The following OTOA variants were observed in gnomAD, a reference collection of about 807,000 sequenced individuals.
OTOA encodes cancer/testis antigen 108.
A neutral mutation model predicts 110.8 loss-of-function variants in OTOA; 70 were observed. The observed-to-expected ratio is 0.63, with a 90% confidence interval of 0.52 to 0.77. OTOA has a LOEUF of 0.77. Ranked by LOEUF, OTOA falls within the 30% of genes least tolerant of loss-of-function variation. The probability of loss-of-function intolerance (pLI) is 0.00; values close to 1 mark genes in which losing one functional copy is unlikely to be tolerated. For missense variants in OTOA, 917 were observed against 1,075.8 expected, an observed-to-expected ratio of 0.85 and a Z score of 2.06; for synonymous variants, 373 against 431.5, an observed-to-expected ratio of 0.86 and a Z score of 1.68.
At chr16:21,692,654 A>G (rs1460386752) in intron 9 of OTOA, among the ~76,000 whole-genome samples, 1 of 152,010 alleles carries the variant, frequency 6.6e-6, no homozygotes. Context: ...TGGGCCGGGC[A>G]TGGTGGCTCA....
Position 21,733,847 on chromosome 16 carries a change from C to T in OTOA, c.2302-2414C>T, listed in dbSNP as rs192229206. On this transcript the variant is annotated intron_variant, in intron 21 of 28. Transcript: ENST00000646100. ...TGGAGTCTAGCTGTGTTGCCCAGGC[C>T]GGAATGCAGTGGCACGATTTCGGCT... Among the ~76,000 whole-genome samples the T allele has an allele frequency of 2.4e-3, 363 of 152,166 alleles. 4 individuals are homozygous for T. Among genetic ancestry groups the T allele is most frequent in the South Asian group, 0.017 (84 of 4,822 alleles).
chr16:21,719,529 T>A (rs1356547745), intron 17 of OTOA, 25 bp downstream of exon 17: 1 of 1,589,346 alleles, frequency 6.3e-7, no homozygotes, highest in Non-Finnish European at 8.6e-7. Context: ...TTTTCCAGCT[T>A]CTAATTCTCT....
chr16:21,693,385 G>T (rs2092997971), intron 9 of OTOA, among the ~76,000 whole-genome samples: 1 of 152,212 alleles, frequency 6.6e-6, no homozygotes, highest in Non-Finnish European at 1.5e-5. Context: ...TGTCAGTAAT[G>T]TAAACAGAAT....
intron 15 of OTOA, among the ~76,000 whole-genome samples, chr16:21,718,295 G>A (rs548745270): frequency 3.9e-4 from 59 of 152,262 alleles, no homozygotes; most frequent in Middle Eastern, 3.4e-3. Context: ...TGCCACCGAA[G>A]ACTTCAAGAT....
At chr16:21,671,165 T>A (rs1260293935) in intron 1 of OTOA, among the ~76,000 whole-genome samples, 1 of 152,150 alleles carries the variant, frequency 6.6e-6, no homozygotes, top group African/African-American at 2.4e-5. Flanking sequence ...AGAGCTGACT[T>A]TGTGTCAAGC....
chr16:21,716,785 C>T (rs1898567442), intron 14 of OTOA, 122 bp from the exon 15 acceptor site: 1 of 1,151,138 alleles, frequency 8.7e-7, no homozygotes, highest in East Asian at 2.3e-5. Flanking sequence ...TGCTACTCTC[C>T]ACTTCCTAGG....
At chr16:21,687,236 G>T (rs190036308) in intron 7 of OTOA, among the ~76,000 whole-genome samples, 177 bp from the exon 8 acceptor site, 1 of 152,282 alleles carries the variant, frequency 6.6e-6, no homozygotes, top group Admixed American at 6.5e-5. Context: ...GAGTGGAGCA[G>T]GTAAAGGCCT....
intron 9 of OTOA, 33 bp downstream of exon 9, chr16:21,691,720 T>G (rs374990400): frequency 6.5e-7 from 1 of 1,546,410 alleles, no homozygotes; most frequent in Non-Finnish European, 8.9e-7. Context: ...GGTCACTTTT[T>G]GGGGGAAGAA....
At chr16:21,685,572 T>A (rs1897698410) in intron 7 of OTOA, among the ~76,000 whole-genome samples, 1 of 152,106 alleles carries the variant, frequency 6.6e-6, no homozygotes, top group African/African-American at 2.4e-5. Context: ...AATTTTTTAT[T>A]TTATTTTTGT....
chr16:21,697,272 G>C (rs1897962694), intron 9 of OTOA, among the ~76,000 whole-genome samples: 1 of 152,148 alleles, frequency 6.6e-6, no homozygotes, highest in Admixed American at 6.5e-5. Context: ...GTGCGAATCT[G>C]TGTTCACATC....
Position 21,685,494 on chromosome 16 carries a change from C to T in OTOA, c.399+133C>T, listed in dbSNP as rs1005383170. On this transcript the variant is annotated intron_variant, in intron 7 of 28. Transcript: ENST00000646100. ...TCCTCTCTCCTTCTGCCTCCTCCAA[C>T]CCCCTGGGGGCTTTAGGACCTAAGT... 1.5e-5 allele frequency: 19 copies of T among 1,297,970 alleles called. No homozygotes were observed. In the African/African-American group the frequency reaches 1.8e-4, roughly 12 times the overall value. 80.4% of individuals were successfully genotyped at this position (1,297,970 alleles called of 1,614,324 possible).
At chr16:21,727,863 T>G (rs1898972595) in intron 19 of OTOA, among the ~76,000 whole-genome samples, 2 of 143,110 alleles carry the variant, frequency 1.4e-5, no homozygotes, top group Middle Eastern at 7.3e-3. Context: ...GATCGGAACT[T>G]TTTTTTTTTT....
intron 1 of OTOA, among the ~76,000 whole-genome samples, chr16:21,675,652 T>C (rs1255830520): frequency 6.6e-6 from 1 of 152,180 alleles, no homozygotes; most frequent in Non-Finnish European, 1.5e-5. Context: ...TAATATGCTG[T>C]TAACTCTATC....
At chr16:21,670,285 A>G (rs1296481337) in intron 1 of OTOA, among the ~76,000 whole-genome samples, 4 of 151,822 alleles carry the variant, frequency 2.6e-5, no homozygotes, top group Non-Finnish European at 5.9e-5. Flanking sequence ...CCCATGTCCT[A>G]CTGTTATATC....
At chr16:21,728,181 A>C (rs1226915214) in intron 19 of OTOA, 60 bp from the exon 20 acceptor site, 1 of 1,602,826 alleles carries the variant, frequency 6.2e-7, no homozygotes, top group African/African-American at 1.3e-5. Flanking sequence ...ATGTGTTTCT[A>C]ATGGCTCACG....
At chr16:21,685,390 G>A in intron 7 of OTOA, 29 bp downstream of exon 7, 2 of 1,606,614 alleles carry the variant, frequency 1.2e-6, no homozygotes, top group Non-Finnish European at 8.5e-7. Context: ...CCCGGGGATA[G>A]AGGAAGTCCA....
chr16:21,691,529 T>A, intron 8 of OTOA, 55 bp from the exon 9 acceptor site: 1 of 1,471,074 alleles, frequency 6.8e-7, no homozygotes, highest in East Asian at 2.3e-5. Context: ...ACTCCCTTTT[T>A]AATGCAGCCC....
chr16:21,759,918 G>C (rs1900115282), intron 28 of OTOA, among the ~76,000 whole-genome samples: 1 of 151,638 alleles, frequency 6.6e-6, no homozygotes, highest in African/African-American at 2.4e-5. Context: ...TTTTTTAATG[G>C]ATGTTGTCAA....
chr16:21,717,989 C>T (rs1898608549), intron 15 of OTOA, among the ~76,000 whole-genome samples: 1 of 152,166 alleles, frequency 6.6e-6, no homozygotes, highest in Non-Finnish European at 1.5e-5. Context: ...CAGAGTCTCT[C>T]TCGGTCACCC....
Sources: gnomAD v4.1 joint callset for allele counts (sites outside exome capture counted in the v4.1 genomes callset) on GRCh38, gnomAD v4.1.1 for gene constraint, MANE v1.5 for transcripts, NCBI Gene and HGNC (gene_info 2026-07-23, HGNC 2026-07-21) for gene names.